The following ITFG2 variants were observed in gnomAD, a reference collection of about 807,000 sequenced individuals.
ITFG2 encodes integrin alpha FG-GAP repeat containing 2.
Under a neutral mutation model 54.4 loss-of-function variants are expected in ITFG2, and 36 were observed. The observed-to-expected ratio is 0.66, with a 90% CI of 0.51 to 0.87. The LOEUF is 0.87. ITFG2 is among the 40% of genes least tolerant of loss of function. The pLI is 0.00. For missense variants in ITFG2, 524 were observed against 576.7 expected (o/e 0.91, Z 0.94); for synonymous variants, 211 against 225.4 (o/e 0.94, Z 0.57).
At chr12:2,829,739 C>A (rs2153925943), downstream of ITFG2, among the ~76,000 whole-genome samples, 1 of 152,010 alleles carries the variant, frequency 6.6e-6, no homozygotes, top group South Asian at 2.1e-4. Flanking sequence ...TACACTCCAG[C>A]CTGGGTGACA....
chr12:2,817,562 T>C (rs997396746), intron 2 of ITFG2: 10 of 537,308 alleles, frequency 1.9e-5, no homozygotes, highest in East Asian at 2.9e-5. Context: ...CTTGACACTT[T>C]ATGGAAGTTG....
chr12:2,827,128 G>A (rs918226781), downstream of ITFG2: 15 of 1,599,508 alleles, frequency 9.4e-6, 1 homozygote, highest in Middle Eastern at 5.0e-4. The surrounding 1 kb of genome is among the most constrained non-coding windows in gnomAD (Gnocchi z 4.0). Flanking sequence ...CAGCTACCTG[G>A]CTTCAAGAGC....
chr12:2,858,620 A>AG (rs746716525), intron 3 of ITFG2: 82 of 1,605,058 alleles, frequency 5.1e-5, no homozygotes, highest in Admixed American at 1.0e-4. Flanking sequence ...GCTTGAGCAC[A>AG]GGGGCAAGGG....
upstream of ITFG2, among the ~76,000 whole-genome samples, chr12:2,834,360 C>T (rs538646403): frequency 5.3e-5 from 8 of 152,256 alleles, no homozygotes; most frequent in Admixed American, 3.9e-4. Flanking sequence ...TGTAAGCCCC[C>T]ACTTCTAAAC....
intron 2 of ITFG2, among the ~76,000 whole-genome samples, chr12:2,844,084 A>ATC (rs1426435998): frequency 6.9e-6 from 1 of 145,242 alleles, no homozygotes; most frequent in African/African-American, 2.6e-5. Flanking sequence ...GCGAAACCCC[A>ATC]TCTCTACTAA....
At chr12:2,847,464 G>A (rs570703283) in intron 2 of ITFG2, among the ~76,000 whole-genome samples, 55 of 152,128 alleles carry the variant, frequency 3.6e-4, no homozygotes, top group Non-Finnish European at 6.3e-4. Flanking sequence ...TCAGGAGATC[G>A]AGCCCATCCT....
chr12:2,821,572 C>T lies in ITFG2; in HGVS notation c.823C>T (p.Leu275Phe), dbSNP rs776414355. 1.9e-6 allele frequency: 3 copies of T among 1,614,098 alleles called. No individual in the cohort carries two copies. Among genetic ancestry groups the T allele is most frequent in the Admixed American group, 1.7e-5 (1 of 60,012 alleles). The change falls in exon 8 of 12, where the codon CTC (leucine) becomes TTC (phenylalanine). Residue 275 changes from leucine (L) to phenylalanine (F), a missense_variant. By Grantham distance (22) the Leu-to-Phe change is conservative. Coordinates refer to ENST00000228799, the MANE Select transcript of ITFG2 (RefSeq NM_018463.4). Reference sequence around the variant, plus strand: ...CGGCACTGAGAGTAGTGGCTCTGGCCTCTTTGCCCTGTGCACCCTGGATGG... The same window carrying T: ...CGGCACTGAGAGTAGTGGCTCTGGCTTCTTTGCCCTGTGCACCCTGGATGG... ...GHGTESSGSGLFALCTLDGTL... is the reference protein window; with the variant it reads ...GHGTESSGSGFFALCTLDGTL...
Position 2,823,865 on chromosome 12 carries a change from C to T in ITFG2, c.1162C>T (p.Arg388Trp), listed in dbSNP as rs751542855. ...TGTGTACTGGGAGGTGCAGCTGGAG[C>T]GGATGGAGTCTACCAATCTGGTGAA... is the stretch of plus-strand genomic sequence containing the variant. ...IYVYWEVQLE[R>W]MESTNLVKLL... Residue 388 changes from arginine to tryptophan, a missense_variant, in exon 11 of 12, where the codon CGG (arginine) becomes TGG (tryptophan). Coordinates refer to ENST00000228799, the MANE Select transcript of ITFG2 (RefSeq NM_018463.4). The T allele has an allele frequency of 1.3e-5, 21 of 1,613,180 alleles. No homozygotes were observed. The highest frequency in any genetic ancestry group is 1.6e-4 in the Middle Eastern group (1 of 6,078).
downstream of ITFG2, chr12:2,827,045 G>T (rs537684216): frequency 2.7e-6 from 4 of 1,467,300 alleles, no homozygotes; most frequent in Non-Finnish European, 3.6e-6. This position sits in a 1 kb window ranked among gnomAD's most constrained non-coding sequence, Gnocchi z 4.0. Flanking sequence ...AAGCAGAGAG[G>T]AATGCGGCCA....
In ITFG2 at chr12:2,812,692, C is replaced by T. The variant is rs960210498; in HGVS notation, c.-69C>T. 4.3e-5 allele frequency: 59 copies of T among 1,378,364 alleles called. No homozygotes were observed. The highest frequency in any genetic ancestry group is 5.1e-5 in the Admixed American group (3 of 58,524). The allele number at this position is 1,378,364 out of a possible 1,614,324, so 85.4% of individuals were successfully genotyped here. On this transcript the variant is annotated 5_prime_UTR_variant, in exon 1 of 12. Transcript: ENST00000228799. Reference sequence around the variant, plus strand: ...TGCCTTAGGTGGCCTTCCGCTCTGGCGGCTGTCGCGACGGGGGTTCAGGGA... The same window carrying T: ...TGCCTTAGGTGGCCTTCCGCTCTGGTGGCTGTCGCGACGGGGGTTCAGGGA...
intron 2 of ITFG2, among the ~76,000 whole-genome samples, chr12:2,850,860 T>TG (rs1256988065): frequency 6.6e-5 from 10 of 151,816 alleles, no homozygotes; most frequent in African/African-American, 2.4e-4. Context: ...TTAGTAGAGA[T>TG]GGGGTTTCCC....
intron 2 of ITFG2, among the ~76,000 whole-genome samples, chr12:2,843,738 G>A (rs563234255): frequency 1.2e-4 from 19 of 152,092 alleles, no homozygotes; most frequent in East Asian, 9.7e-4. Flanking sequence ...ACTTGAACCC[G>A]GGAGGTGGAG....
intron 10 of ITFG2, 77 bp downstream of exon 10, chr12:2,822,988 T>A: frequency 9.5e-7 from 1 of 1,054,814 alleles, no homozygotes; most frequent in South Asian, 1.3e-5. Flanking sequence ...GGGAAGTGTT[T>A]GCCCCTCACT....
intron 1 of ITFG2, among the ~76,000 whole-genome samples, chr12:2,815,158 C>G (rs1185130277): frequency 6.6e-6 from 1 of 152,138 alleles, no homozygotes; most frequent in African/African-American, 2.4e-5. Flanking sequence ...ATCAAAGATT[C>G]AAATAAATTC....
intron 2 of ITFG2, chr12:2,857,093 TC>T (rs1360201589): frequency 2.8e-6 from 2 of 702,600 alleles, no homozygotes; most frequent in African/African-American, 3.5e-5. Context: ...CATTGTTTAC[TC>T]CTGGGGTTGC....
chr12:2,829,298 T>TAAAC (rs111299074), downstream of ITFG2, among the ~76,000 whole-genome samples: 2 of 151,758 alleles, frequency 1.3e-5, no homozygotes, highest in East Asian at 3.9e-4. Flanking sequence ...CTTTGGGACA[T>TAAAC]AGACATTTTG....
downstream of ITFG2, chr12:2,827,510 G>C: frequency 6.4e-7 from 1 of 1,569,458 alleles, no homozygotes; most frequent in Non-Finnish European, 8.6e-7. This position sits in a 1 kb window ranked among gnomAD's most constrained non-coding sequence, Gnocchi z 4.0. Context: ...AGGAAGCAAA[G>C]GGACAGTTGC....
At chr12:2,851,740 G>A (rs953978011) in intron 2 of ITFG2, among the ~76,000 whole-genome samples, 2 of 150,768 alleles carry the variant, frequency 1.3e-5, no homozygotes, top group African/African-American at 2.4e-5. Flanking sequence ...ATGCAGTGGC[G>A]TGATCTCAGC....
chr12:2,821,645 G>T, intron 8 of ITFG2, 47 bp from the exon 9 acceptor site: 1 of 1,613,618 alleles, frequency 6.2e-7, no homozygotes, highest in Non-Finnish European at 8.5e-7. Flanking sequence ...TGTAGGGTCT[G>T]CTCGGGGCCT....
Sources: allele counts gnomAD v4.1 joint callset (sites outside exome capture counted in the v4.1 genomes callset), GRCh38; gene constraint gnomAD v4.1.1; non-coding constraint Gnocchi (gnomAD v3.1); transcripts MANE v1.5; gene names NCBI Gene and HGNC (gene_info 2026-07-23, HGNC 2026-07-21).